Variants in PLEKHA4 observed in about 807,000 individuals in gnomAD.
PLEKHA4 encodes the protein pleckstrin homology domain-containing family A member 4.
A neutral mutation model predicts 94.7 loss-of-function variants in PLEKHA4; 73 were observed. The observed-to-expected ratio is 0.77, with a 90% CI of 0.64 to 0.94. The LOEUF is 0.94. PLEKHA4 is among the 40% of genes least tolerant of loss of function. PLEKHA4 has a pLI of 0.00. For missense variants in PLEKHA4, 1,049 were observed against 1,054.1 expected, an observed-to-expected ratio of 1.00 and a Z score of 0.07; for synonymous variants, 449 against 437.1, an observed-to-expected ratio of 1.03 and a Z score of -0.34.
rs2036297973 is a variant in PLEKHA4 at position 48,853,826 on chromosome 19, T to A, written c.1182A>T (p.Gln394His). 2 of 1,608,282 alleles carry A rather than the reference T, an allele frequency of 1.2e-6. No individual in the cohort carries two copies. Among genetic ancestry groups the A allele is most frequent in the East Asian group, 4.5e-5 (2 of 44,798 alleles). ...EIDQKQEEKE[Q>H]LEAALELTRQ... ...GGGTCAACTCCAGAGCTGCTTCTAG[T>A]TGCTCCTGCACCAAGACAGAAGGTG... The change falls in exon 12 of 20, where the codon CAA becomes CAT. Residue 394 changes from glutamine to histidine, a missense_variant. By Grantham distance (24) the Gln-to-His change is conservative (BLOSUM62 0). Transcript: ENST00000263265.
intron 17 of PLEKHA4, among the ~76,000 whole-genome samples, chr19:48,839,561 G>A (rs964253899): frequency 8.6e-5 from 13 of 152,002 alleles, no homozygotes; most frequent in African/African-American, 2.4e-4. Context: ...CTACAGGCTC[G>A]CACCACCATG....
At chr19:48,841,048 A>G (rs2035742870) in intron 17 of PLEKHA4, 101 bp downstream of exon 17, 2 of 1,195,594 alleles carry the variant, frequency 1.7e-6, no homozygotes, top group East Asian at 5.2e-5. Flanking sequence ...AGTTTGGAGG[A>G]AGGAGGTAGT....
intron 14 of PLEKHA4, among the ~76,000 whole-genome samples, chr19:48,846,474 A>C (rs903220106): frequency 2.0e-5 from 3 of 151,536 alleles, no homozygotes; most frequent in African/African-American, 7.3e-5. Flanking sequence ...AAAACAAAAC[A>C]AACGTTTTAG....
chr19:48,843,202 G>A (rs2035832355), intron 16 of PLEKHA4, among the ~76,000 whole-genome samples: 1 of 150,216 alleles, frequency 6.7e-6, no homozygotes, highest in Non-Finnish European at 1.5e-5. Context: ...TTTTGAGATG[G>A]AGTTTCACTC....
chr19:48,860,469 G>A lies in PLEKHA4; in HGVS notation c.367-10C>T. On this transcript the variant is annotated splice_polypyrimidine_tract_variant and intron_variant, in intron 5 of 19. Coordinates refer to ENST00000263265, the MANE Select transcript of PLEKHA4 (RefSeq NM_020904.3). ...TGCCCGGGTGCTCTGCCTGCGGGAA[G>A]AGAAGGCTTGGAATCCGGACTCCCG... is the stretch of plus-strand genomic sequence containing the variant. The A allele has an allele frequency of 6.2e-7, 1 of 1,609,350 alleles. No individual in the cohort carries two copies. Among genetic ancestry groups the A allele is most frequent in the Non-Finnish European group, 8.5e-7 (1 of 1,175,832 alleles).
At chr19:48,856,263 G>A (rs926338223) in intron 9 of PLEKHA4, among the ~76,000 whole-genome samples, 1 of 151,266 alleles carries the variant, frequency 6.6e-6, no homozygotes, top group Non-Finnish European at 1.5e-5. Context: ...GGAGGGGAAG[G>A]GGAAGGGGAA....
At chr19:48,853,572 G>T in intron 12 of PLEKHA4, 110 bp downstream of exon 12, 1 of 1,124,664 alleles carries the variant, frequency 8.9e-7, no homozygotes, top group Non-Finnish European at 1.2e-6. Flanking sequence ...TTGGAGTGTA[G>T]ACTTCTGAAG....
chr19:48,843,792 G>A (rs2035856182), intron 16 of PLEKHA4, among the ~76,000 whole-genome samples: 1 of 151,928 alleles, frequency 6.6e-6, no homozygotes, highest in Admixed American at 6.6e-5. Context: ...TAAGTAGCTG[G>A]GATTACAGGT....
chr19:48,854,298 G>A (rs778271082), intron 9 of PLEKHA4, 34 bp from the exon 10 acceptor site: 30 of 1,594,488 alleles, frequency 1.9e-5, no homozygotes, highest in Non-Finnish European at 2.6e-5. Flanking sequence ...GGGTCAAAGG[G>A]GACAGGCTGG....
At position 48,854,528 on chromosome 19, in the gene PLEKHA4, C is replaced by T. The variant is rs563091853; in HGVS notation, c.1048-264G>A. ...GGACCACAGGCGCACACATCATGCC[C>T]GGCTAATTTTTGTAGTTTTAAAATT... On this transcript the variant is annotated intron_variant, in intron 9 of 19. Coordinates refer to ENST00000263265, the MANE Select transcript of PLEKHA4 (RefSeq NM_020904.3). 1.3e-4 allele frequency among the ~76,000 whole-genome samples: 20 copies of T among 151,920 alleles called. No individual in the cohort carries two copies. The South Asian group carries it at 1.5e-3, about 11-fold the overall frequency.
chr19:48,859,027 G>T lies in PLEKHA4; in HGVS notation c.805C>A (p.Pro269Thr). The T allele has an allele frequency of 6.4e-7, 1 of 1,563,844 alleles. No individual in the cohort carries two copies. Among genetic ancestry groups the T allele is most frequent in the Non-Finnish European group, 8.6e-7 (1 of 1,161,096 alleles). The stretch of plus-strand genomic sequence containing the variant: ...TCAATGCGACTCAACGGGGTGTGAG[G>T]TCGGGCAGGGGGTGCTGTGTCTCCT... ...PSGDTAPPAR[P>T]HTPLSRIDVR... The change falls in exon 8 of 20, where the codon CCT becomes ACT. Residue 269 changes from proline (P) to threonine (T), a missense_variant. Physicochemically the swap from Pro to Thr is conservative, Grantham distance 38. Transcript: ENST00000263265.
At position 48,837,778 on chromosome 19, in the gene PLEKHA4, G is replaced by A. The variant is rs1442108888; in HGVS notation, c.2078-227C>T. On this transcript the variant is annotated intron_variant, in intron 19 of 19. Transcript: ENST00000263265. The surrounding 1 kb of genome is among the most constrained non-coding windows in gnomAD (Gnocchi z 4.3). ...GATACGCCAGTCCAGTCCTCTTTGA[G>A]ACTCAGTTGTCGGCCCTCTCCCCGC... 6.7e-6 allele frequency among the ~76,000 whole-genome samples: 1 copy of A among 149,764 alleles called. No individual in the cohort carries two copies. Among genetic ancestry groups the A allele is most frequent in the Non-Finnish European group, 1.5e-5 (1 of 67,652 alleles).
intron 14 of PLEKHA4, 138 bp downstream of exon 14, chr19:48,847,762 G>T (rs1438490882): frequency 7.1e-6 from 7 of 992,592 alleles, no homozygotes; most frequent in Non-Finnish European, 8.2e-6. Context: ...AGAAAACAAA[G>T]GCTTCCAGAG....
intron 9 of PLEKHA4, 147 bp downstream of exon 9, chr19:48,857,275 C>T: frequency 1.9e-6 from 1 of 539,036 alleles, no homozygotes; most frequent in African/African-American, 2.0e-5. Context: ...CGCTTTGTTA[C>T]AGCCACCACA....
chr19:48,859,806 G>T, intron 6 of PLEKHA4, 122 bp from the exon 7 acceptor site: 1 of 878,098 alleles, frequency 1.1e-6, no homozygotes, highest in Non-Finnish European at 1.8e-6. Context: ...ATAAATCATC[G>T]TCCCCCTTCT....
intron 16 of PLEKHA4, 145 bp from the exon 17 acceptor site, chr19:48,841,455 C>A: frequency 1.2e-6 from 1 of 835,964 alleles, no homozygotes; most frequent in Non-Finnish European, 1.8e-6. Flanking sequence ...GGCGAAATAC[C>A]ATCTCTACTA....
chr19:48,840,946 C>G (rs1167945793), intron 17 of PLEKHA4, among the ~76,000 whole-genome samples: 1 of 151,998 alleles, frequency 6.6e-6, no homozygotes, highest in Non-Finnish European at 1.5e-5. Flanking sequence ...ACCCACTGTC[C>G]TCCCCTCACT....
chr19:48,846,936 G>A (rs1474919249), intron 14 of PLEKHA4, among the ~76,000 whole-genome samples: 1 of 152,086 alleles, frequency 6.6e-6, no homozygotes, highest in Non-Finnish European at 1.5e-5. Flanking sequence ...GAGTACAGTG[G>A]TGCAATCTTG....
rs750986471 is a variant in PLEKHA4, at chr19:48,852,332, G to T, written c.1327-6C>A. The T allele has an allele frequency of 6.2e-7, 1 of 1,611,090 alleles. No homozygotes were observed. The highest frequency in any genetic ancestry group is 1.7e-5 in the Admixed American group (1 of 59,956). ...TCCCAAACCCTCTCTCGCTCCTCAG[G>T]TTGCATAAAGGGGGAGACATAGGTT... On this transcript the variant is annotated splice_polypyrimidine_tract_variant and splice_region_variant and intron_variant, in intron 12 of 19. Coordinates refer to ENST00000263265, the MANE Select transcript of PLEKHA4 (RefSeq NM_020904.3).
Sources: gnomAD v4.1 joint callset for allele counts (sites outside exome capture counted in the v4.1 genomes callset) on GRCh38, gnomAD v4.1.1 for gene constraint, Gnocchi (gnomAD v3.1) non-coding constraint, MANE v1.5 for transcripts, NCBI Gene and HGNC (gene_info 2026-07-23, HGNC 2026-07-21) for gene names.